The following WDR64 variants were observed in gnomAD, a reference collection of about 807,000 sequenced individuals.
WDR64 encodes the protein WD repeat-containing protein 64.
In WDR64, 112 loss-of-function variants were observed where a neutral mutation model predicts 139.3. That is an observed-to-expected ratio of 0.80 (90% CI 0.69 to 0.94). WDR64 has a LOEUF of 0.94. WDR64 is among the 40% of genes least tolerant of loss of function. The pLI is 0.00. For synonymous variants in WDR64, 444 were observed against 437.7 expected (o/e 1.01, Z -0.18); for missense variants, 1,206 against 1,293.1 (o/e 0.93, Z 1.03).
intron 3 of WDR64, among the ~76,000 whole-genome samples, chr1:241,673,062 T>C (rs914184584): frequency 6.6e-6 from 1 of 151,986 alleles, no homozygotes; most frequent in African/African-American, 2.4e-5. Flanking sequence ...CTGGAAACCA[T>C]CATTCTCAGC....
At chr1:241,715,197 C>T (rs1248439835) in intron 9 of WDR64, among the ~76,000 whole-genome samples, 1 of 152,068 alleles carries the variant, frequency 6.6e-6, no homozygotes, top group African/African-American at 2.4e-5. Context: ...AGTGATGATT[C>T]TAAGAAAAAC....
intron 10 of WDR64, among the ~76,000 whole-genome samples, chr1:241,737,216 C>G (rs6680142): frequency 0.36 from 54,107 of 152,100 alleles, 9,851 homozygotes; most frequent in East Asian, 0.5. Flanking sequence ...TTCAATGGTA[C>G]AAGTTCTGAT....
chr1:241,801,052 T>C (rs1387231989), intron 27 of WDR64, 80 bp from the exon 28 acceptor site: 4 of 1,078,332 alleles, frequency 3.7e-6, no homozygotes, highest in Admixed American at 1.9e-5. Flanking sequence ...CTATGTAAAT[T>C]AGCAATACAC....
intron 8 of WDR64, among the ~76,000 whole-genome samples, chr1:241,688,114 T>C (rs75335866): frequency 0.064 from 9,733 of 152,312 alleles, 447 homozygotes; most frequent in South Asian, 0.13. Context: ...AAAATTGCAT[T>C]GAGATGTATG....
At chr1:241,655,706 T>TTTTTC (rs111710526) in intron 1 of WDR64, among the ~76,000 whole-genome samples, 122,340 of 145,536 alleles carry the variant, frequency 0.84, 52,621 homozygotes, top group Non-Finnish European at 0.94. Flanking sequence ...TTTTCTTTTC[T>TTTTTC]TTTTTTTTTT....
At chr1:241,780,767 G>T (rs7538042) in intron 22 of WDR64, among the ~76,000 whole-genome samples, 26,985 of 151,982 alleles carry the variant, frequency 0.18, 2,816 homozygotes, top group African/African-American at 0.27. Context: ...TAAGGTTTCG[G>T]TATTCAACTT....
chr1:241,751,612 T>C (rs983751960), intron 14 of WDR64, among the ~76,000 whole-genome samples: 2 of 152,206 alleles, frequency 1.3e-5, no homozygotes, highest in Non-Finnish European at 2.9e-5. Context: ...TACTTTTAAA[T>C]GTGTTCAGAC....
In WDR64 at chr1:241,801,296, G is replaced by C; in HGVS notation, c.*81G>C. 1 of 1,236,714 alleles carries C rather than the reference G, an allele frequency of 8.1e-7. No individual in the cohort carries two copies. Among genetic ancestry groups the C allele is most frequent in the Non-Finnish European group, 1.2e-6 (1 of 848,580 alleles). 76.6% of individuals were successfully genotyped at this position (1,236,714 alleles called of 1,614,324 possible). On this transcript the variant is annotated 3_prime_UTR_variant, in exon 28 of 28. Coordinates refer to ENST00000437684, the MANE Select transcript of WDR64 (RefSeq NM_001367482.1). The stretch of plus-strand genomic sequence containing the variant: ...CTGCTCTTTATTTCAGGATGAGAGG[G>C]AGAAACCACCAGACACTATCAGTCA...
In WDR64 at chr1:241,802,541, ATG is replaced by A. The variant is rs1460800471; in HGVS notation, c.*1329_*1330del. ...GGATGATATTTCTGCATTTCGTTGT[ATG>A]TGAATTTTTTCAAAAAATTAAGAAT... On this transcript the variant is annotated 3_prime_UTR_variant, in exon 28 of 28. Transcript: ENST00000437684. Among the ~76,000 whole-genome samples, 2 of 152,228 alleles carry A rather than the reference ATG, an allele frequency of 1.3e-5. No individual in the cohort carries two copies. The highest frequency in any genetic ancestry group is 2.9e-5 in the Non-Finnish European group (2 of 68,028).
At chr1:241,686,457 A>C (rs967225648) in intron 7 of WDR64, among the ~76,000 whole-genome samples, 25 of 152,202 alleles carry the variant, frequency 1.6e-4, no homozygotes, top group African/African-American at 5.5e-4. Flanking sequence ...AGCTGTAAAC[A>C]TTTCTATTCC....
chr1:241,741,509 G>T lies in WDR64; in HGVS notation c.1322-7G>T. 1 of 1,589,980 alleles carries T rather than the reference G, an allele frequency of 6.3e-7. No individual in the cohort carries two copies. Among genetic ancestry groups the T allele is most frequent in the Non-Finnish European group, 8.5e-7 (1 of 1,172,290 alleles). ...GCATATTTATGAGATTCTTACTTCTGTTCCAGGATCTAGTGTTATGGACAT... is the reference window on the plus strand; with the variant it reads ...GCATATTTATGAGATTCTTACTTCTTTTCCAGGATCTAGTGTTATGGACAT... On this transcript the variant is annotated splice_polypyrimidine_tract_variant and splice_region_variant and intron_variant, in intron 11 of 27. Coordinates refer to ENST00000437684, the MANE Select transcript of WDR64 (RefSeq NM_001367482.1).
chr1:241,706,412 G>C (rs1355281860), intron 8 of WDR64, among the ~76,000 whole-genome samples: 2 of 152,234 alleles, frequency 1.3e-5, no homozygotes, highest in Non-Finnish European at 2.9e-5. Context: ...TTCCTGGTTT[G>C]TACTACATCC....
chr1:241,775,429 C>T (rs1658625912), intron 21 of WDR64, among the ~76,000 whole-genome samples: 2 of 152,236 alleles, frequency 1.3e-5, no homozygotes, highest in Admixed American at 1.3e-4. Flanking sequence ...TAGGGCAAGG[C>T]ATTGCCCTCC....
intron 8 of WDR64, among the ~76,000 whole-genome samples, chr1:241,708,353 C>T (rs1668031655): frequency 6.6e-6 from 1 of 152,162 alleles, no homozygotes; most frequent in Non-Finnish European, 1.5e-5. Context: ...TTGAGACAGA[C>T]TTCCCCAGGC....
chr1:241,725,604 G>A (rs1668793471), intron 10 of WDR64, among the ~76,000 whole-genome samples: 1 of 152,134 alleles, frequency 6.6e-6, no homozygotes, highest in African/African-American at 2.4e-5. Context: ...GGACCTTTGA[G>A]GGGTTCCTCC....
chr1:241,677,281 G>A, intron 4 of WDR64: 1 of 398,386 alleles, frequency 2.5e-6, no homozygotes, highest in Non-Finnish European at 4.4e-6. Flanking sequence ...AGAAACCACA[G>A]GTGTTCTGTT....
chr1:241,775,755 TTA>T (rs1487941748), intron 21 of WDR64, among the ~76,000 whole-genome samples: 1 of 152,170 alleles, frequency 6.6e-6, no homozygotes, highest in Non-Finnish European at 1.5e-5. Context: ...CTTTGAAAGA[TTA>T]TGTGTGTATG....
chr1:241,692,934 CA>C (rs1667353675), intron 8 of WDR64, among the ~76,000 whole-genome samples: 1 of 152,116 alleles, frequency 6.6e-6, no homozygotes, highest in South Asian at 2.1e-4. Flanking sequence ...GGGTGTGGAG[CA>C]AAAGGGACTC....
chr1:241,741,516 G>A lies in WDR64; in HGVS notation c.1322G>A (p.Gly441Glu), dbSNP rs764249954. Reference protein sequence around the residue: ...YDANHGMLITGSSVMDMYPLT... With the variant: ...YDANHGMLITESSVMDMYPLT... Reference sequence around the variant, plus strand: ...TATGAGATTCTTACTTCTGTTCCAGGATCTAGTGTTATGGACATGTATCCT... The same window carrying A: ...TATGAGATTCTTACTTCTGTTCCAGAATCTAGTGTTATGGACATGTATCCT... Residue 441 changes from glycine (G) to glutamate (E), a missense_variant and splice_region_variant, in exon 12 of 28, where the codon GGA (glycine) becomes GAA (glutamate). Physicochemically the swap from Gly to Glu is moderately conservative, Grantham distance 98. Coordinates refer to ENST00000437684, the MANE Select transcript of WDR64 (RefSeq NM_001367482.1). 7 of 1,594,640 alleles carry A rather than the reference G, an allele frequency of 4.4e-6. No homozygotes were observed. In the Admixed American group the frequency reaches 9.1e-5, roughly 21 times the overall value.
Sources: allele counts gnomAD v4.1 joint callset (sites outside exome capture counted in the v4.1 genomes callset), GRCh38; gene constraint gnomAD v4.1.1; transcripts MANE v1.5; gene names NCBI Gene and HGNC (gene_info 2026-07-23, HGNC 2026-07-21).